Variants in SLC25A12 observed in about 807,000 individuals in gnomAD.
The protein encoded by SLC25A12 is electrogenic aspartate/glutamate antiporter SLC25A12, mitochondrial.
A neutral mutation model predicts 83.3 loss-of-function variants in SLC25A12; 32 were observed. The observed-to-expected ratio is 0.38, with a 90% CI of 0.29 to 0.52. The LOEUF (loss-of-function observed/expected upper bound fraction) is 0.52. SLC25A12 is among the 20% of genes least tolerant of loss of function. The probability of loss-of-function intolerance (pLI) is 0.84; values close to 1 mark genes in which losing one functional copy is unlikely to be tolerated. For synonymous variants in SLC25A12, 267 were observed against 291.1 expected, an observed-to-expected ratio of 0.92 and a Z score of 0.84; for missense variants, 611 against 835.6, an observed-to-expected ratio of 0.73 and a Z score of 3.31.
At chr2:171,789,942 T>C (rs1683405233) in intron 15 of SLC25A12, among the ~76,000 whole-genome samples, 1 of 151,806 alleles carries the variant, frequency 6.6e-6, no homozygotes, top group Admixed American at 6.6e-5. Context: ...AAGGGGCTGC[T>C]ACAAACAGCT....
At chr2:171,856,131 AG>A (rs1171743667) in intron 3 of SLC25A12, among the ~76,000 whole-genome samples, 182 bp from the exon 4 acceptor site, 1 of 152,192 alleles carries the variant, frequency 6.6e-6, no homozygotes, top group Non-Finnish European at 1.5e-5. Flanking sequence ...CCCTTTTGTA[AG>A]CCCCTAGAAA....
chr2:171,812,648 G>A (rs1010473852), intron 11 of SLC25A12, among the ~76,000 whole-genome samples: 13 of 152,124 alleles, frequency 8.5e-5, no homozygotes, highest in African/African-American at 1.7e-4. Context: ...TGCATGGGGC[G>A]CAGTGCTGCC....
intron 5 of SLC25A12, among the ~76,000 whole-genome samples, chr2:171,837,914 C>T (rs1684591545): frequency 6.6e-6 from 1 of 152,188 alleles, no homozygotes; most frequent in Non-Finnish European, 1.5e-5. Flanking sequence ...AACTGTAAGA[C>T]AGTCCAGAAT....
intron 4 of SLC25A12, among the ~76,000 whole-genome samples, chr2:171,848,834 T>C (rs573937415): frequency 2.7e-4 from 41 of 152,340 alleles, no homozygotes; most frequent in African/African-American, 8.7e-4. Context: ...GCACAGTCAA[T>C]AGAGTAGTCC....
At chr2:171,847,767 T>C (rs1684830851) in intron 4 of SLC25A12, among the ~76,000 whole-genome samples, 1 of 152,202 alleles carries the variant, frequency 6.6e-6, no homozygotes, top group Admixed American at 6.5e-5. Flanking sequence ...AGACAACTTT[T>C]TCACTTCCTG....
intron 15 of SLC25A12, among the ~76,000 whole-genome samples, chr2:171,790,610 T>C (rs1022152509): frequency 2.6e-5 from 4 of 152,204 alleles, no homozygotes; most frequent in East Asian, 3.9e-4. Context: ...ACTGGCCACG[T>C]AGGAAAGGCA....
At chr2:171,866,432 C>T (rs1290378605) in intron 3 of SLC25A12, among the ~76,000 whole-genome samples, 6 of 145,894 alleles carry the variant, frequency 4.1e-5, no homozygotes, top group South Asian at 2.3e-4. Context: ...CCCCTCACCT[C>T]CCGGACGGGG....
At chr2:171,851,160 A>G (rs1684918875) in intron 4 of SLC25A12, among the ~76,000 whole-genome samples, 1 of 152,016 alleles carries the variant, frequency 6.6e-6, no homozygotes, top group South Asian at 2.1e-4. Flanking sequence ...TCATTTTGTT[A>G]GTTAACAGAC....
Position 171,809,510 on chromosome 2 carries a change from A to C in SLC25A12, c.1305+96T>G, listed in dbSNP as rs962552819. The C allele has an allele frequency of 2.5e-5, 23 of 926,304 alleles. No homozygotes were observed. In the African/African-American group the frequency reaches 2.8e-4, roughly 11 times the overall value. The allele number at this position is 926,304 out of a possible 1,614,324, so 57.4% of individuals were successfully genotyped here. A position where few individuals can be genotyped will look rare whatever the true frequency, so the allele number is the denominator to read the frequency against. On this transcript the variant is annotated intron_variant, in intron 13 of 17. Transcript: ENST00000422440. ...GAGAAAACCTGCTTAGAATCCCTTGAGTTCAAGAGAAATGCCACTAAGATA... is the reference window on the plus strand; with the variant it reads ...GAGAAAACCTGCTTAGAATCCCTTGCGTTCAAGAGAAATGCCACTAAGATA...
chr2:171,803,104 ATCTC>A (rs1402779842), intron 13 of SLC25A12, among the ~76,000 whole-genome samples: 1 of 151,808 alleles, frequency 6.6e-6, no homozygotes. Flanking sequence ...ATTTAGTAAT[ATCTC>A]TCTCTGTTCA....
chr2:171,784,317 C>G lies in SLC25A12; in HGVS notation c.*957G>C, dbSNP rs1477762912. 6.6e-6 allele frequency: 1 copy of G among 152,178 alleles called. No individual in the cohort carries two copies. Among genetic ancestry groups the G allele is most frequent in the Non-Finnish European group, 1.5e-5 (1 of 68,032 alleles). 9.4% of individuals were successfully genotyped at this position (152,178 alleles called of 1,614,324 possible). A position where few individuals can be genotyped will look rare whatever the true frequency, so the allele number is the denominator to read the frequency against. The stretch of plus-strand genomic sequence containing the variant: ...GAGTTATTTGCAATCAGTAGTCAAT[C>G]AGAACAAAAAGTATTATCAGTATAT... On this transcript the variant is annotated 3_prime_UTR_variant, in exon 18 of 18. Transcript: ENST00000422440.
At chr2:171,835,361 T>C (rs569230371) in intron 6 of SLC25A12, among the ~76,000 whole-genome samples, 17 of 152,364 alleles carry the variant, frequency 1.1e-4, no homozygotes, top group African/African-American at 3.8e-4. Context: ...GCCACTGTTA[T>C]AATTAAAATA....
chr2:171,850,794 C>T (rs1435658892), intron 4 of SLC25A12, among the ~76,000 whole-genome samples: 2 of 152,228 alleles, frequency 1.3e-5, no homozygotes, highest in African/African-American at 4.8e-5. Flanking sequence ...ATGTCTATAG[C>T]TTTGTTTCCA....
chr2:171,825,396 T>G (rs1684278960), intron 9 of SLC25A12, among the ~76,000 whole-genome samples: 1 of 152,214 alleles, frequency 6.6e-6, no homozygotes, highest in Admixed American at 6.5e-5. Context: ...AAGAAAGGTT[T>G]CCTAACCAAG....
rs1684510227 is a variant in SLC25A12, at chr2:171,834,324, T to C, written c.752-268A>G. ...ACAATCTCTTTAGAATCTCCTCTTA[T>C]CTTGCTTATTCACTTTGTTCTCCAG... On this transcript the variant is annotated intron_variant, in intron 7 of 17. Coordinates refer to ENST00000422440, the MANE Select transcript of SLC25A12 (RefSeq NM_003705.5). The C allele has an allele frequency of 2.4e-5, 11 of 452,624 alleles. No homozygotes were observed. In the East Asian group the frequency reaches 3.8e-4, roughly 16 times the overall value. The allele number at this position is 452,624 out of a possible 1,614,324, so 28.0% of individuals were successfully genotyped here. A position where few individuals can be genotyped will look rare whatever the true frequency, so the allele number is the denominator to read the frequency against.
chr2:171,851,746 G>A (rs1684938611), intron 4 of SLC25A12, among the ~76,000 whole-genome samples: 1 of 151,996 alleles, frequency 6.6e-6, no homozygotes, highest in Admixed American at 6.6e-5. Flanking sequence ...TGTCACCCGT[G>A]CTGGTCTTGA....
chr2:171,851,209 T>C (rs966617987), intron 4 of SLC25A12, among the ~76,000 whole-genome samples: 1 of 151,878 alleles, frequency 6.6e-6, no homozygotes, highest in African/African-American at 2.4e-5. Flanking sequence ...GTTTTTTTTT[T>C]TGGAGACGGA....
At chr2:171,850,041 T>C (rs1684889202) in intron 4 of SLC25A12, among the ~76,000 whole-genome samples, 1 of 151,862 alleles carries the variant, frequency 6.6e-6, no homozygotes, top group South Asian at 2.1e-4. Context: ...TGGCCTCAAG[T>C]GATCCTCCTG....
At chr2:171,892,865 G>T (rs1396078660) in intron 2 of SLC25A12, among the ~76,000 whole-genome samples, 1 of 152,030 alleles carries the variant, frequency 6.6e-6, no homozygotes, top group Non-Finnish European at 1.5e-5. Context: ...TCAAGGAAGA[G>T]AATTTTAGTC....
Sources: allele counts gnomAD v4.1 joint callset (sites outside exome capture counted in the v4.1 genomes callset), GRCh38; gene constraint gnomAD v4.1.1; transcripts MANE v1.5; gene names NCBI Gene and HGNC (gene_info 2026-07-23, HGNC 2026-07-21).